SLX4IP: variants seen among roughly 807,000 people sequenced by gnomAD.
The protein encoded by SLX4IP is protein SLX4IP.
Under a neutral mutation model 32.9 loss-of-function variants are expected in SLX4IP, and 34 were observed. The ratio of observed to expected loss-of-function variants is 1.03; its 90% CI spans 0.79 to 1.38. The LOEUF (loss-of-function observed/expected upper bound fraction) is 1.38, where lower values mean the gene tolerates loss of function less well. Among genes scored for constraint, SLX4IP ranks in the 40% most tolerant of loss-of-function variants. SLX4IP has a pLI of 0.00. For synonymous variants in SLX4IP, 172 were observed against 171.7 expected, an observed-to-expected ratio of 1.00 and a Z score of -0.01; for missense variants, 444 against 479.0, an observed-to-expected ratio of 0.93 and a Z score of 0.68.
At chr20:10,496,159 G>A (rs1473136490) in intron 2 of SLX4IP, among the ~76,000 whole-genome samples, 1 of 150,808 alleles carries the variant, frequency 6.6e-6, no homozygotes, top group African/African-American at 2.4e-5. Context: ...TTTTATTTTT[G>A]TAATTGATAC....
intron 2 of SLX4IP, among the ~76,000 whole-genome samples, chr20:10,486,112 T>A (rs920808470): frequency 6.6e-6 from 1 of 152,008 alleles, no homozygotes; most frequent in Non-Finnish European, 1.5e-5. Flanking sequence ...TTCAAGAGGG[T>A]TTGTTTATTT....
At chr20:10,575,405 T>C (rs1286545126) in intron 4 of SLX4IP, among the ~76,000 whole-genome samples, 2 of 152,000 alleles carry the variant, frequency 1.3e-5, no homozygotes, top group Non-Finnish European at 2.9e-5. Context: ...TGTATTGGGG[T>C]GAGGGCTGGG....
At chr20:10,621,458 A>G (rs377276443) in intron 7 of SLX4IP, 44 bp downstream of exon 7, 54 of 1,536,572 alleles carry the variant, frequency 3.5e-5, no homozygotes, top group East Asian at 6.8e-5. Flanking sequence ...GCCTGTCTCT[A>G]TGTATGGATA....
At chr20:10,542,510 T>G (rs2066118136) in intron 2 of SLX4IP, among the ~76,000 whole-genome samples, 1 of 152,242 alleles carries the variant, frequency 6.6e-6, no homozygotes. Context: ...GTTGCTGTTA[T>G]CCTGATCACT....
At chr20:10,563,523 G>GT (rs1217515616) in intron 4 of SLX4IP, among the ~76,000 whole-genome samples, 1 of 152,120 alleles carries the variant, frequency 6.6e-6, no homozygotes, top group Non-Finnish European at 1.5e-5. Context: ...TCTTCTAGTA[G>GT]TTTTTTAGTT....
In SLX4IP at chr20:10,450,965, G is replaced by A. The variant is rs1403679472; in HGVS notation, c.-29-7211G>A. Among the ~76,000 whole-genome samples, 5 of 152,072 alleles carry A rather than the reference G, an allele frequency of 3.3e-5. No individual in the cohort carries two copies. The East Asian group carries it at 5.8e-4, about 18-fold the overall frequency. On this transcript the variant is annotated intron_variant, in intron 1 of 7. Transcript: ENST00000334534. Reference sequence around the variant, plus strand: ...GACGGGGTTTCACCGTGTTAGCCAGGATGGTCTCGATCTCCTGACCTCTTG... The same window carrying A: ...GACGGGGTTTCACCGTGTTAGCCAGAATGGTCTCGATCTCCTGACCTCTTG...
At chr20:10,614,277 A>G in intron 6 of SLX4IP, 1 of 602,456 alleles carries the variant, frequency 1.7e-6, no homozygotes, top group South Asian at 2.1e-5. Flanking sequence ...AGATGAAGAC[A>G]GAATTCATGA....
intron 4 of SLX4IP, among the ~76,000 whole-genome samples, chr20:10,561,891 T>G (rs1307610449): frequency 6.6e-6 from 1 of 152,206 alleles, no homozygotes; most frequent in East Asian, 1.9e-4. Context: ...TTACTTCACT[T>G]AATTTCCTTT....
intron 2 of SLX4IP, among the ~76,000 whole-genome samples, chr20:10,530,773 A>G (rs2065982099): frequency 6.6e-6 from 1 of 152,182 alleles, no homozygotes; most frequent in African/African-American, 2.4e-5. Context: ...ACAAATCTTT[A>G]AAAAGGGATT....
intron 2 of SLX4IP, among the ~76,000 whole-genome samples, chr20:10,542,516 T>A (rs946695072): frequency 1.3e-5 from 2 of 152,246 alleles, no homozygotes; most frequent in African/African-American, 4.8e-5. Context: ...GTTATCCTGA[T>A]CACTCTTATT....
intron 2 of SLX4IP, among the ~76,000 whole-genome samples, chr20:10,497,849 G>A (rs2065682005): frequency 6.6e-6 from 1 of 151,880 alleles, no homozygotes; most frequent in South Asian, 2.1e-4. Flanking sequence ...TTTTTTTGGT[G>A]TTAATTTTTC....
chr20:10,513,001 A>G (rs1294178366), intron 2 of SLX4IP, among the ~76,000 whole-genome samples: 2 of 151,694 alleles, frequency 1.3e-5, no homozygotes, highest in Non-Finnish European at 2.9e-5. Flanking sequence ...TACCATGGTC[A>G]GTCATTTTTT....
chr20:10,443,691 G>A (rs941216969), intron 1 of SLX4IP, among the ~76,000 whole-genome samples: 2 of 152,126 alleles, frequency 1.3e-5, no homozygotes, highest in African/African-American at 2.4e-5. Context: ...GATATTGTTC[G>A]GATTTGTGTT....
chr20:10,622,548 C>G, intron 7 of SLX4IP, 111 bp from the exon 8 acceptor site: 1 of 1,441,650 alleles, frequency 6.9e-7, no homozygotes, highest in Non-Finnish European at 9.2e-7. Context: ...AGCGAGAGGG[C>G]AGGTAGTGCC....
At chr20:10,504,085 G>A (rs1471699089) in intron 2 of SLX4IP, among the ~76,000 whole-genome samples, 1 of 152,204 alleles carries the variant, frequency 6.6e-6, no homozygotes, top group Non-Finnish European at 1.5e-5. Context: ...GAAAGAAGCA[G>A]CAGCCATGAA....
At chr20:10,536,882 C>T (rs1459493732) in intron 2 of SLX4IP, among the ~76,000 whole-genome samples, 2 of 152,170 alleles carry the variant, frequency 1.3e-5, no homozygotes, top group African/African-American at 4.8e-5. Flanking sequence ...TATCATTTCC[C>T]ACAGTTGGGC....
chr20:10,557,276 C>T (rs896443500), intron 3 of SLX4IP, among the ~76,000 whole-genome samples: 25 of 151,968 alleles, frequency 1.6e-4, no homozygotes, highest in African/African-American at 5.8e-4. Flanking sequence ...AGATCCCCAC[C>T]CCCCAAAAAA....
At chr20:10,535,168 A>G (rs138015149) in intron 2 of SLX4IP, among the ~76,000 whole-genome samples, 30 of 152,178 alleles carry the variant, frequency 2.0e-4, no homozygotes, top group African/African-American at 7.2e-4. Flanking sequence ...GGAGCAGGTG[A>G]TGGCTTGGCC....
chr20:10,616,223 C>T (rs1313947876), intron 6 of SLX4IP, among the ~76,000 whole-genome samples: 1 of 151,982 alleles, frequency 6.6e-6, no homozygotes, highest in Non-Finnish European at 1.5e-5. Context: ...AATTATATTT[C>T]CATTCTAACC....
Sources: gnomAD v4.1 joint callset for allele counts (sites outside exome capture counted in the v4.1 genomes callset) on GRCh38, gnomAD v4.1.1 for gene constraint, MANE v1.5 for transcripts, NCBI Gene and HGNC (gene_info 2026-07-23, HGNC 2026-07-21) for gene names.